BTG4: variants seen among roughly 807,000 people sequenced by gnomAD.
BTG4 encodes the protein BTG anti-proliferation factor 4.
A neutral mutation model predicts 19.3 loss-of-function variants in BTG4; 10 were observed. The ratio of observed to expected loss-of-function variants is 0.52; its 90% CI spans 0.32 to 0.88. BTG4 has a LOEUF of 0.88. BTG4 is among the 40% of genes least tolerant of loss of function. The pLI is 0.04. For missense variants in BTG4, 238 were observed against 281.9 expected, an observed-to-expected ratio of 0.84 and a Z score of 1.11; for synonymous variants, 91 against 95.7, an observed-to-expected ratio of 0.95 and a Z score of 0.29.
the BTG4 span, among the ~76,000 whole-genome samples, chr11:111,439,642 A>G: frequency 6.6e-6 from 1 of 150,608 alleles, no homozygotes; most frequent in Non-Finnish European, 1.5e-5. Flanking sequence ...CCCCTCCCAG[A>G]CTCACACCCC....
chr11:111,457,700 T>C, the BTG4 span: 1 of 152,048 alleles, frequency 6.6e-6, no homozygotes, highest in Non-Finnish European at 1.5e-5. Context: ...CACCATGCTC[T>C]ACCCCCTGCC....
At chr11:111,430,154 T>C in the BTG4 span, among the ~76,000 whole-genome samples, 9 of 152,214 alleles carry the variant, frequency 5.9e-5, no homozygotes, top group Non-Finnish European at 1.2e-4. Flanking sequence ...ACAACCATGA[T>C]ACAGCCTCAG....
chr11:111,434,570 ATT>A, the BTG4 span, among the ~76,000 whole-genome samples: 10 of 135,284 alleles, frequency 7.4e-5, no homozygotes, highest in African/African-American at 2.9e-4. Context: ...ATAATAATAA[ATT>A]TTAAAAAAAA....
chr11:111,499,883 T>C (rs1865962319), intron 1 of BTG4, among the ~76,000 whole-genome samples: 1 of 152,174 alleles, frequency 6.6e-6, no homozygotes, highest in Admixed American at 6.5e-5. Flanking sequence ...GGCTCATGCC[T>C]ATAATCCCAA....
At chr11:111,435,481 G>A in the BTG4 span, among the ~76,000 whole-genome samples, 3 of 152,340 alleles carry the variant, frequency 2.0e-5, no homozygotes, top group East Asian at 3.9e-4. Flanking sequence ...TTGGCACCAC[G>A]AAAGCATACC....
the BTG4 span, among the ~76,000 whole-genome samples, chr11:111,441,090 C>A: frequency 1.3e-5 from 2 of 150,844 alleles, no homozygotes; most frequent in Non-Finnish European, 2.9e-5. Context: ...GTCACACAGG[C>A]CAGGGCCAGA....
chr11:111,507,636 G>A (rs1311389277), intron 1 of BTG4, among the ~76,000 whole-genome samples: 9 of 152,244 alleles, frequency 5.9e-5, no homozygotes, highest in East Asian at 1.9e-4. Context: ...TCTTGAATTC[G>A]TAAGCGTATG....
chr11:111,411,348 T>C, the BTG4 span, among the ~76,000 whole-genome samples: 1 of 152,152 alleles, frequency 6.6e-6, no homozygotes, highest in Non-Finnish European at 1.5e-5. Context: ...AGGCCAACCA[T>C]GGTCCTGCTT....
the BTG4 span, chr11:111,462,182 A>T: frequency 6.6e-6 from 1 of 152,300 alleles, no homozygotes; most frequent in Non-Finnish European, 1.5e-5. Flanking sequence ...CCCCAGCCCC[A>T]GGCCCAAGAT....
downstream of BTG4, among the ~76,000 whole-genome samples, chr11:111,462,634 G>A (rs1380218063): frequency 6.6e-6 from 1 of 152,208 alleles, no homozygotes; most frequent in Admixed American, 6.5e-5. Context: ...CCCTACCCCT[G>A]GTGGTGGTCG....
chr11:111,438,817 G>A, the BTG4 span, among the ~76,000 whole-genome samples: 1 of 152,152 alleles, frequency 6.6e-6, no homozygotes, highest in African/African-American at 2.4e-5. Context: ...TGGTCAGGGG[G>A]TCCCTGGATA....
At chr11:111,500,066 C>T (rs1048986518) in intron 1 of BTG4, among the ~76,000 whole-genome samples, 2 of 151,760 alleles carry the variant, frequency 1.3e-5, no homozygotes, top group East Asian at 1.9e-4. Context: ...CACTTGAACC[C>T]AGGAGGTGGA....
the BTG4 span, among the ~76,000 whole-genome samples, chr11:111,392,169 C>CTTTTTTTTTTTTTTTTTTTT: frequency 1.2e-5 from 1 of 85,396 alleles, no homozygotes; most frequent in African/African-American, 4.7e-5. Flanking sequence ...CTGTGATTTT[C>CTTTTTTTTTTTTTTTTTTTT]TTTTTTTTTT....
chr11:111,464,913 C>G (rs1296513273), downstream of BTG4, among the ~76,000 whole-genome samples: 3 of 152,184 alleles, frequency 2.0e-5, no homozygotes, highest in Non-Finnish European at 4.4e-5. Context: ...TTTCCAAAGG[C>G]CCCCTGCCTT....
At chr11:111,487,993 C>A (rs2135608729) in intron 5 of BTG4, among the ~76,000 whole-genome samples, 1 of 152,150 alleles carries the variant, frequency 6.6e-6, no homozygotes, top group South Asian at 2.1e-4. Context: ...TGTTCATGGA[C>A]TGGAAGAATC....
chr11:111,476,726 C>T lies in BTG4; in HGVS notation c.663-9045G>A, dbSNP rs1944120. Reference sequence around the variant, plus strand: ...ATAAAATGGTAAAATAGTCATTGCCCATAAGACGGGCTATGAGGGAGCTGT... The same window carrying T: ...ATAAAATGGTAAAATAGTCATTGCCTATAAGACGGGCTATGAGGGAGCTGT... On this transcript the variant is annotated intron_variant, in intron 5 of 5. Transcript: ENST00000356018. 3.0e-3 allele frequency among the ~76,000 whole-genome samples: 459 copies of T among 152,190 alleles called. 3 individuals are homozygous for T. Among genetic ancestry groups the T allele is most frequent in the African/African-American group, 9.9e-3 (410 of 41,538 alleles).
chr11:111,395,185 A>G, the BTG4 span, among the ~76,000 whole-genome samples: 2 of 152,256 alleles, frequency 1.3e-5, no homozygotes, highest in Non-Finnish European at 2.9e-5. Flanking sequence ...TCCATCCTGA[A>G]GGCACCCAGG....
chr11:111,405,404 C>CAAA, the BTG4 span, among the ~76,000 whole-genome samples: 45 of 53,042 alleles, frequency 8.5e-4, 7 homozygotes, highest in African/African-American at 2.3e-3. Flanking sequence ...GACTCCGTCT[C>CAAA]AAAAAAAAAA....
chr11:111,494,840 A>C lies in BTG4; in HGVS notation c.*295T>G. ...TATTAAAAACACTGTACGTTTATTT[A>C]AACCATTACTTTTCATAATTCATTG... On this transcript the variant is annotated 3_prime_UTR_variant, in exon 5 of 5. Transcript: ENST00000692032. 6.2e-5 allele frequency: 59 copies of C among 955,820 alleles called. No homozygotes were observed. Among genetic ancestry groups the C allele is most frequent in the South Asian group, 1.5e-4 (3 of 20,666 alleles). The allele number at this position is 955,820 out of a possible 1,614,324, so 59.2% of individuals were successfully genotyped here.
Sources: allele counts gnomAD v4.1 joint callset (sites outside exome capture counted in the v4.1 genomes callset), GRCh38; gene constraint gnomAD v4.1.1; transcripts MANE v1.5; gene names NCBI Gene and HGNC (gene_info 2026-07-23, HGNC 2026-07-21).